FGF14: variants seen among roughly 807,000 people sequenced by gnomAD.
FGF14 encodes fibroblast growth factor homologous factor 4.
Under a neutral mutation model 25.5 loss-of-function variants are expected in FGF14, and 5 were observed. The ratio of observed to expected loss-of-function variants is 0.20; its 90% CI spans 0.10 to 0.41. The LOEUF (loss-of-function observed/expected upper bound fraction) is 0.41, where lower values mean the gene tolerates loss of function less well. Ranked by LOEUF, FGF14 falls within the 10% of genes least tolerant of loss-of-function variation. The pLI, the probability that FGF14 is intolerant of heterozygous loss-of-function variation, is 1.00. For synonymous variants in FGF14, 138 were observed against 118.3 expected (o/e 1.17, Z -1.08); for missense variants, 222 against 320.1 (o/e 0.69, Z 2.34).
intron 3 of FGF14, among the ~76,000 whole-genome samples, chr13:101,728,829 C>CAGGA (rs2035616328): frequency 6.6e-6 from 1 of 152,146 alleles, no homozygotes; most frequent in Non-Finnish European, 1.5e-5. Flanking sequence ...ACCTGGCTCA[C>CAGGA]TGATGCTCAT....
At chr13:101,972,185 G>C (rs749652830) in intron 1 of FGF14, among the ~76,000 whole-genome samples, 2 of 152,136 alleles carry the variant, frequency 1.3e-5, no homozygotes, top group East Asian at 3.9e-4. Context: ...CCTGCTTTCC[G>C]AGGCACTCTG....
At chr13:101,972,996 C>G (rs567977589) in intron 1 of FGF14, among the ~76,000 whole-genome samples, 1 of 152,224 alleles carries the variant, frequency 6.6e-6, no homozygotes, top group East Asian at 1.9e-4. Context: ...ATATTGTTGA[C>G]TTGCTCGGTG....
At chr13:101,781,018 T>A (rs955198592) in intron 3 of FGF14, among the ~76,000 whole-genome samples, 28 of 152,018 alleles carry the variant, frequency 1.8e-4, no homozygotes, top group Admixed American at 9.2e-4. Context: ...TTCCTAATGA[T>A]CCTCGCGCTT....
chr13:102,349,373 C>A (rs2057206266), intron 1 of FGF14, among the ~76,000 whole-genome samples: 1 of 152,176 alleles, frequency 6.6e-6, no homozygotes, highest in Non-Finnish European at 1.5e-5. Context: ...AATTTAATTA[C>A]ATGTGGCTTT....
chr13:102,035,018 T>C (rs1317768922), intron 1 of FGF14, among the ~76,000 whole-genome samples: 2 of 152,090 alleles, frequency 1.3e-5, no homozygotes, highest in African/African-American at 2.4e-5. Context: ...ATCACGCCAT[T>C]ATCCACTAAC....
chr13:102,174,672 A>G (rs2048373904), intron 1 of FGF14, among the ~76,000 whole-genome samples: 1 of 152,172 alleles, frequency 6.6e-6, no homozygotes, highest in African/African-American at 2.4e-5. Context: ...TAACACAGGA[A>G]CAGAAAAGCA....
chr13:101,839,314 C>T (rs1023930218), intron 3 of FGF14, among the ~76,000 whole-genome samples: 3 of 151,902 alleles, frequency 2.0e-5, no homozygotes, highest in African/African-American at 7.2e-5. Flanking sequence ...TATAGACATA[C>T]AAATGTGATC....
intron 1 of FGF14, among the ~76,000 whole-genome samples, chr13:102,163,722 G>A (rs978301630): frequency 1.3e-5 from 2 of 152,016 alleles, no homozygotes; most frequent in African/African-American, 4.8e-5. Context: ...GACCAAGGGA[G>A]CCTGGATTGG....
intron 1 of FGF14, among the ~76,000 whole-genome samples, chr13:102,036,031 CT>C (rs2041455435): frequency 6.6e-6 from 1 of 152,078 alleles, no homozygotes; most frequent in African/African-American, 2.4e-5. Flanking sequence ...AGAGTAACAG[CT>C]ACAGGCTGTA....
intron 1 of FGF14, among the ~76,000 whole-genome samples, chr13:102,337,939 T>C (rs1042699957): frequency 6.6e-6 from 1 of 152,216 alleles, no homozygotes; most frequent in South Asian, 2.1e-4. Context: ...AGTGTATATA[T>C]AACTCTTATG....
At position 102,398,440 on chromosome 13, in the gene FGF14, C is replaced by T. The variant is rs532920968; in HGVS notation, c.208+3031G>A. On this transcript the variant is annotated intron_variant, in intron 1 of 4. Coordinates refer to the FGF14 transcript ENST00000376131. ...AATCAGTAAATTATTTCATAACTTC[C>T]AAAGATATAGGAAGGAAAATTAACC... is the stretch of plus-strand genomic sequence containing the variant. Among the ~76,000 whole-genome samples, 117 of 152,114 alleles carry T rather than the reference C, an allele frequency of 7.7e-4. 1 individual carries two copies. In the South Asian group the frequency reaches 0.014, roughly 18 times the overall value.
At chr13:102,224,093 T>C (rs1362681353) in intron 1 of FGF14, among the ~76,000 whole-genome samples, 1 of 152,122 alleles carries the variant, frequency 6.6e-6, no homozygotes, top group East Asian at 1.9e-4. Flanking sequence ...AATAAAGATA[T>C]TTGGTTGTGA....
chr13:102,004,147 A>AAAATG (rs148259968), intron 1 of FGF14, among the ~76,000 whole-genome samples: 3,428 of 152,272 alleles, frequency 0.023, 116 homozygotes, highest in African/African-American at 0.076. Context: ...AAAATAAAAT[A>AAAATG]GCATTTACTC....
intron 1 of FGF14, among the ~76,000 whole-genome samples, chr13:101,998,520 A>G (rs1566551389): frequency 6.6e-6 from 1 of 152,218 alleles, no homozygotes; most frequent in Non-Finnish European, 1.5e-5. Flanking sequence ...TAGATAGGTT[A>G]GAAAATTGTA....
chr13:101,775,980 T>C (rs921547651), intron 3 of FGF14, among the ~76,000 whole-genome samples: 1 of 152,030 alleles, frequency 6.6e-6, no homozygotes, highest in Admixed American at 6.6e-5. Flanking sequence ...TAAAGAAAAA[T>C]TCATGGAAGC....
chr13:102,122,285 G>A (rs1279295240), intron 1 of FGF14, among the ~76,000 whole-genome samples: 1 of 152,166 alleles, frequency 6.6e-6, no homozygotes, highest in Non-Finnish European at 1.5e-5. Context: ...GATCCTAGCT[G>A]AAATTCTCTT....
chr13:102,310,803 G>A (rs939589976), intron 1 of FGF14, among the ~76,000 whole-genome samples: 1 of 151,508 alleles, frequency 6.6e-6, no homozygotes, highest in Non-Finnish European at 1.5e-5. Flanking sequence ...GCCTCCAGCA[G>A]GTCTGAAGTC....
chr13:102,012,800 C>G (rs193229030), intron 1 of FGF14, among the ~76,000 whole-genome samples: 1 of 152,240 alleles, frequency 6.6e-6, no homozygotes, highest in Non-Finnish European at 1.5e-5. Context: ...CTATTTTCAG[C>G]CTTTCCATCC....
chr13:101,799,848 GAAAAATA>G lies in FGF14; in HGVS notation c.408+68870_408+68876del, dbSNP rs566434189. Among the ~76,000 whole-genome samples the G allele has an allele frequency of 1.0e-2, 1,514 of 152,122 alleles. 58 individuals carry two copies. In the East Asian group the frequency reaches 0.13, roughly 13 times the overall value. On this transcript the variant is annotated intron_variant, in intron 3 of 4. Coordinates refer to ENST00000376143, the MANE Select transcript of FGF14 (RefSeq NM_004115.4). ...AACAACTCAAGGGGAAAAGGACACCGAAAAATAGTCTTCAGAATTGTCCACAGTAATG... is the reference window on the plus strand; with the variant it reads ...AACAACTCAAGGGGAAAAGGACACCGGTCTTCAGAATTGTCCACAGTAATG...
Sources: gnomAD v4.1 joint callset for allele counts (sites outside exome capture counted in the v4.1 genomes callset) on GRCh38, gnomAD v4.1.1 for gene constraint, MANE v1.5 for transcripts, NCBI Gene and HGNC (gene_info 2026-07-23, HGNC 2026-07-21) for gene names.